The following XRRA1 variants were observed in gnomAD, a reference collection of about 807,000 sequenced individuals.
XRRA1 encodes the protein X-ray radiation resistance-associated protein 1.
XRRA1 carries 69 observed loss-of-function variants against 80.2 expected under a neutral mutation model. The observed-to-expected ratio is 0.86, with a 90% CI of 0.71 to 1.05. The LOEUF (loss-of-function observed/expected upper bound fraction) is 1.05, where lower values mean the gene tolerates loss of function less well. Among genes scored for constraint, XRRA1 ranks in the 50% least tolerant of loss-of-function variants. The probability of loss-of-function intolerance (pLI) is 0.00; values close to 1 mark genes in which losing one functional copy is unlikely to be tolerated. For synonymous variants in XRRA1, 348 were observed against 389.9 expected, an observed-to-expected ratio of 0.89 and a Z score of 1.27; for missense variants, 967 against 976.4, an observed-to-expected ratio of 0.99 and a Z score of 0.13.
intron 5 of XRRA1, among the ~76,000 whole-genome samples, chr11:74,931,169 C>T (rs1943469705): frequency 6.7e-6 from 1 of 150,226 alleles, no homozygotes; most frequent in Admixed American, 6.6e-5. Flanking sequence ...ATATATAATG[C>T]TAGATACAGG....
chr11:74,900,093 A>G (rs2053272156), intron 10 of XRRA1, among the ~76,000 whole-genome samples: 1 of 151,774 alleles, frequency 6.6e-6, no homozygotes, highest in African/African-American at 2.4e-5. Context: ...TGAACCCAGG[A>G]GGCGGAGGTT....
chr11:74,937,604 T>TAA (rs767004092), intron 3 of XRRA1, among the ~76,000 whole-genome samples: 1 of 144,180 alleles, frequency 6.9e-6, no homozygotes. Context: ...CAGATGGCAT[T>TAA]AAAAAAAAAA....
intron 10 of XRRA1, among the ~76,000 whole-genome samples, chr11:74,881,300 G>A (rs1370883531): frequency 4.0e-5 from 6 of 150,130 alleles, no homozygotes; most frequent in Non-Finnish European, 7.4e-5. Flanking sequence ...CCTTTTTTTT[G>A]TTTTCCATTT....
intron 10 of XRRA1, among the ~76,000 whole-genome samples, chr11:74,875,593 C>G (rs1041312696): frequency 1.3e-5 from 2 of 152,110 alleles, no homozygotes; most frequent in Non-Finnish European, 2.9e-5. Flanking sequence ...AAAATAATCC[C>G]TTTGGCTGGG....
chr11:74,886,956 A>C (rs963423600), intron 10 of XRRA1, among the ~76,000 whole-genome samples: 1 of 152,226 alleles, frequency 6.6e-6, no homozygotes, highest in Non-Finnish European at 1.5e-5. Flanking sequence ...GATGAACATA[A>C]ACAACAGGAA....
intron 10 of XRRA1, among the ~76,000 whole-genome samples, chr11:74,885,622 C>G (rs1030482217): frequency 1.3e-5 from 2 of 152,102 alleles, no homozygotes; most frequent in African/African-American, 2.4e-5. Context: ...AGAGTCATAG[C>G]CAAATTCTAT....
At chr11:74,855,806 T>C (rs1265893235) in intron 12 of XRRA1, among the ~76,000 whole-genome samples, 1 of 152,220 alleles carries the variant, frequency 6.6e-6, no homozygotes, top group Non-Finnish European at 1.5e-5. Context: ...TGAATATTAA[T>C]TTCAACACAG....
chr11:74,864,753 A>AC (rs2043030875), intron 10 of XRRA1, among the ~76,000 whole-genome samples: 1 of 151,894 alleles, frequency 6.6e-6, no homozygotes, highest in Non-Finnish European at 1.5e-5. Flanking sequence ...TTTCTGATCC[A>AC]CCCCCTCTCA....
chr11:74,857,913 TAAAA>T (rs2041490653), intron 12 of XRRA1, among the ~76,000 whole-genome samples: 1 of 151,934 alleles, frequency 6.6e-6, no homozygotes, highest in Non-Finnish European at 1.5e-5. Context: ...CGAATGAAAA[TAAAA>T]AGAAAATATA....
chr11:74,924,862 GT>G (rs750227243), intron 7 of XRRA1, among the ~76,000 whole-genome samples: 311 of 152,032 alleles, frequency 2.0e-3, no homozygotes, highest in Non-Finnish European at 3.9e-3. Flanking sequence ...AATAAACAAA[GT>G]TTTATTGGAA....
At chr11:74,883,006 A>C (rs1402907257) in intron 10 of XRRA1, among the ~76,000 whole-genome samples, 2 of 152,238 alleles carry the variant, frequency 1.3e-5, no homozygotes, top group Non-Finnish European at 2.9e-5. Flanking sequence ...CTACAGAGAC[A>C]GGCAGGCCTC....
chr11:74,916,548 T>C (rs1938745449), intron 8 of XRRA1, among the ~76,000 whole-genome samples: 1 of 152,206 alleles, frequency 6.6e-6, no homozygotes, highest in Admixed American at 6.5e-5. Context: ...TTCCATTTTG[T>C]TAATATATCA....
chr11:74,890,590 T>C (rs915915397), intron 10 of XRRA1, among the ~76,000 whole-genome samples: 16 of 152,114 alleles, frequency 1.1e-4, no homozygotes, highest in African/African-American at 3.4e-4. Context: ...AAAAAACCCT[T>C]CAAAAAAATC....
Position 74,908,764 on chromosome 11 carries a change from A to C in XRRA1, c.657-1491T>G, listed in dbSNP as rs182787317. ...TCGGGAAAGGCAATGTTTAAGCAAAACCATGAGGAATGGAGAGGGAATTGT... is the reference window on the plus strand; with the variant it reads ...TCGGGAAAGGCAATGTTTAAGCAAACCCATGAGGAATGGAGAGGGAATTGT... On this transcript the variant is annotated intron_variant, in intron 8 of 18. Transcript: ENST00000684022. 4.6e-3 allele frequency among the ~76,000 whole-genome samples: 700 copies of C among 152,302 alleles called. 7 individuals carry two copies. The highest frequency in any genetic ancestry group is 0.016 in the African/African-American group (678 of 41,560).
At chr11:74,853,522 T>C (rs535233725) in intron 12 of XRRA1, among the ~76,000 whole-genome samples, 1 of 152,218 alleles carries the variant, frequency 6.6e-6, no homozygotes, top group East Asian at 1.9e-4. Flanking sequence ...CTTGACCATC[T>C]AACAGGATAC....
At position 74,845,117 on chromosome 11, in the gene XRRA1, T is replaced by TC; in HGVS notation, c.1882dup (p.Glu628GlyfsTer8). On this transcript the variant is annotated frameshift_variant, in exon 16 of 19. Coordinates refer to ENST00000684022, the MANE Select transcript of XRRA1 (RefSeq NM_001378157.1). LOFTEE classifies it high-confidence loss of function. ...TGGATCAGGCTTGGCTGTCAGCAGT[T>TC]CTTCATAGCCGTGGTACTTGCTGGG... 1.9e-6 allele frequency: 3 copies of TC among 1,614,002 alleles called. No individual in the cohort carries two copies. Among genetic ancestry groups the TC allele is most frequent in the Non-Finnish European group, 2.5e-6 (3 of 1,179,896 alleles).
intron 12 of XRRA1, 96 bp downstream of exon 12, chr11:74,859,062 G>C: frequency 6.3e-6 from 9 of 1,419,262 alleles, no homozygotes; most frequent in Non-Finnish European, 8.3e-6. Flanking sequence ...TGTAATGCAG[G>C]GAATTGAATG....
intron 10 of XRRA1, among the ~76,000 whole-genome samples, chr11:74,905,021 T>G (rs2054286677): frequency 6.6e-6 from 1 of 151,756 alleles, no homozygotes; most frequent in Admixed American, 6.6e-5. Context: ...TTAGGGAGAA[T>G]CTGAATAACA....
At chr11:74,844,963 G>T (rs963302420) in intron 16 of XRRA1, 110 bp downstream of exon 16, 10 of 1,077,888 alleles carry the variant, frequency 9.3e-6, no homozygotes, top group Admixed American at 8.0e-5. Context: ...ACAGAGGACA[G>T]CACCCTAGTT....
Sources: gnomAD v4.1 joint callset for allele counts (sites outside exome capture counted in the v4.1 genomes callset) on GRCh38, gnomAD v4.1.1 for gene constraint, MANE v1.5 for transcripts, NCBI Gene and HGNC (gene_info 2026-07-23, HGNC 2026-07-21) for gene names.